Variants in GSTCD observed in about 807,000 individuals in gnomAD.
The protein encoded by GSTCD is glutathione S-transferase C-terminal domain containing.
Under a neutral mutation model 68.3 loss-of-function variants are expected in GSTCD, and 44 were observed. The observed-to-expected ratio is 0.64, with a 90% confidence interval of 0.51 to 0.83. The LOEUF (loss-of-function observed/expected upper bound fraction) is 0.83, where lower values mean the gene tolerates loss of function less well. GSTCD is among the 40% of genes least tolerant of loss of function. The pLI is 0.00. For synonymous variants in GSTCD, 273 were observed against 255.2 expected (o/e 1.07, Z -0.67); for missense variants, 739 against 735.9 (o/e 1.00, Z -0.05).
chr4:105,802,202 A>C (rs1337462592), intron 5 of GSTCD, among the ~76,000 whole-genome samples: 1 of 152,138 alleles, frequency 6.6e-6, no homozygotes, highest in Non-Finnish European at 1.5e-5. Context: ...CAGAGAAGGT[A>C]TCTCTCTAAA....
At chr4:105,785,163 A>T (rs1351654313) in intron 5 of GSTCD, among the ~76,000 whole-genome samples, 1 of 152,326 alleles carries the variant, frequency 6.6e-6, no homozygotes, top group East Asian at 1.9e-4. Flanking sequence ...GTTGAACAGT[A>T]AGAAACCTGA....
At chr4:105,741,813 C>T (rs368507424) in intron 5 of GSTCD, among the ~76,000 whole-genome samples, 21 of 152,286 alleles carry the variant, frequency 1.4e-4, no homozygotes, top group African/African-American at 5.1e-4. Context: ...ACAGGGTATA[C>T]TCACATTACA....
At chr4:105,765,864 G>C (rs1269615096) in intron 5 of GSTCD, among the ~76,000 whole-genome samples, 1 of 152,132 alleles carries the variant, frequency 6.6e-6, no homozygotes, top group African/African-American at 2.4e-5. Flanking sequence ...TGTGAAGAAA[G>C]ACGTGTTTGC....
At chr4:105,821,018 C>T (rs754055018) in intron 5 of GSTCD, 29 of 151,774 alleles carry the variant, frequency 1.9e-4, no homozygotes, top group Non-Finnish European at 3.4e-4. Context: ...AAGAAATCTA[C>T]AAACAGAGCA....
intron 8 of GSTCD, among the ~76,000 whole-genome samples, chr4:105,828,013 T>C (rs990900648): frequency 6.6e-6 from 1 of 152,128 alleles, no homozygotes; most frequent in African/African-American, 2.4e-5. Context: ...TCATTTTGCA[T>C]TAAAAACAAA....
chr4:105,814,505 C>T (rs142285263), intron 5 of GSTCD, among the ~76,000 whole-genome samples: 6,770 of 151,868 alleles, frequency 0.045, 200 homozygotes, highest in Middle Eastern at 0.13. Context: ...CCCAGCTACT[C>T]GGAGGCTGAG....
At position 105,717,118 on chromosome 4, in the gene GSTCD, TGAG is replaced by T. The variant is rs1439167444; in HGVS notation, c.-21-471_-21-469del. ...CAGCACTCAGCAGCTATCACTTACT[TGAG>T]GAGAATCCACTTCTCCTGAAAGAAC... On this transcript the variant is annotated intron_variant, in intron 1 of 11. Transcript: ENST00000515279. Among the ~76,000 whole-genome samples the T allele has an allele frequency of 3.3e-5, 5 of 152,206 alleles. No individual in the cohort carries two copies. In the East Asian group the frequency reaches 5.8e-4, roughly 18 times the overall value.
chr4:105,724,789 G>A (rs1018770420), intron 3 of GSTCD, among the ~76,000 whole-genome samples: 16 of 152,054 alleles, frequency 1.1e-4, no homozygotes, highest in African/African-American at 3.6e-4. Flanking sequence ...CATTATTTGT[G>A]TTGAGGAATT....
intron 5 of GSTCD, among the ~76,000 whole-genome samples, chr4:105,763,253 A>G (rs1734481968): frequency 6.6e-6 from 1 of 152,218 alleles, no homozygotes; most frequent in Admixed American, 6.5e-5. Context: ...GAAGCAAAGC[A>G]GAAATAAGTA....
intron 5 of GSTCD, among the ~76,000 whole-genome samples, chr4:105,783,450 C>G (rs1237879650): frequency 6.6e-6 from 1 of 152,068 alleles, no homozygotes; most frequent in Non-Finnish European, 1.5e-5. Flanking sequence ...TTAATGTAAT[C>G]TAAATTTACA....
chr4:105,803,307 A>G (rs72673824), intron 5 of GSTCD, among the ~76,000 whole-genome samples: 8,175 of 152,208 alleles, frequency 0.054, 249 homozygotes, highest in Middle Eastern at 0.14. Context: ...TGAATGTAGA[A>G]AATGTTAAAA....
chr4:105,783,684 C>A (rs1735363004), intron 5 of GSTCD, among the ~76,000 whole-genome samples: 1 of 152,084 alleles, frequency 6.6e-6, no homozygotes, highest in Non-Finnish European at 1.5e-5. Context: ...ATAGAATGAT[C>A]AAAGTCAGGA....
chr4:105,737,516 G>A (rs1228630996), intron 5 of GSTCD, among the ~76,000 whole-genome samples: 1 of 151,970 alleles, frequency 6.6e-6, no homozygotes, highest in African/African-American at 2.4e-5. Flanking sequence ...TGCTTTTGTT[G>A]TCTATGCTTT....
intron 8 of GSTCD, among the ~76,000 whole-genome samples, chr4:105,828,298 T>C (rs959397795): frequency 1.3e-5 from 2 of 152,222 alleles, no homozygotes; most frequent in African/African-American, 4.8e-5. Flanking sequence ...TTTCTATTTA[T>C]GTATGTATGT....
intron 5 of GSTCD, among the ~76,000 whole-genome samples, chr4:105,795,833 C>T (rs552229811): frequency 2.4e-4 from 37 of 152,162 alleles, no homozygotes; most frequent in African/African-American, 8.4e-4. Flanking sequence ...CTTCCCTTGT[C>T]GATGATGGCT....
intron 5 of GSTCD, among the ~76,000 whole-genome samples, chr4:105,736,758 G>C (rs1050466252): frequency 6.6e-6 from 1 of 152,076 alleles, no homozygotes; most frequent in African/African-American, 2.4e-5. Context: ...CCAGTCCCTA[G>C]TAACTACTAT....
At chr4:105,826,623 A>G (rs906479597) in intron 8 of GSTCD, among the ~76,000 whole-genome samples, 1 of 152,120 alleles carries the variant, frequency 6.6e-6, no homozygotes, top group Non-Finnish European at 1.5e-5. Context: ...ATATGTGAAC[A>G]TTGTTAAGAC....
rs533109064 is a variant in GSTCD at position 105,783,521 on chromosome 4, A to C, written c.1241-39433A>C. Among the ~76,000 whole-genome samples, 3 of 151,978 alleles carry C rather than the reference A, an allele frequency of 2.0e-5. No individual in the cohort carries two copies. In the South Asian group the frequency reaches 6.2e-4, roughly 32 times the overall value. On this transcript the variant is annotated intron_variant, in intron 5 of 11. Transcript: ENST00000515279. ...CACTGTTTACATTTTTATTTTGCCC[A>C]ATTTTTTTTTATCATTCATGCTCCA...
intron 5 of GSTCD, among the ~76,000 whole-genome samples, chr4:105,799,728 A>T (rs2149260947): frequency 6.6e-6 from 1 of 152,142 alleles, no homozygotes; most frequent in East Asian, 1.9e-4. Flanking sequence ...TTGGTGTATT[A>T]TGAGAATTAC....
Sources: allele counts gnomAD v4.1 joint callset (sites outside exome capture counted in the v4.1 genomes callset), GRCh38; gene constraint gnomAD v4.1.1; transcripts MANE v1.5; gene names NCBI Gene and HGNC (gene_info 2026-07-23, HGNC 2026-07-21).